Variants in CDCP1 observed in about 807,000 individuals in gnomAD.
CDCP1 encodes CUB domain containing protein 1, also known as CUB domain-containing protein 1.
In CDCP1, 29 loss-of-function variants were observed where a neutral mutation model predicts 60.2. The ratio of observed to expected loss-of-function variants is 0.48; its 90% CI spans 0.36 to 0.66. The LOEUF is 0.66. Among genes scored for constraint, CDCP1 ranks in the 30% least tolerant of loss-of-function variants. The probability of loss-of-function intolerance (pLI) is 0.00; values close to 1 mark genes in which losing one functional copy is unlikely to be tolerated. For missense variants in CDCP1, 876 were observed against 1,074.3 expected, an observed-to-expected ratio of 0.82 and a Z score of 2.58; for synonymous variants, 387 against 431.1, an observed-to-expected ratio of 0.90 and a Z score of 1.27.
intron 6 of CDCP1, among the ~76,000 whole-genome samples, chr3:45,092,711 A>G (rs1162307865): frequency 6.6e-6 from 1 of 152,194 alleles, no homozygotes; most frequent in Non-Finnish European, 1.5e-5. Flanking sequence ...AAAGTCAACC[A>G]TGTAGAAGTC....
At chr3:45,126,900 C>G (rs753242209) in intron 1 of CDCP1, among the ~76,000 whole-genome samples, 46 of 152,274 alleles carry the variant, frequency 3.0e-4, no homozygotes, top group Non-Finnish European at 5.0e-4. Context: ...GTAATGTACC[C>G]AGGCATATAT....
Position 45,112,457 on chromosome 3 carries a change from T to C in CDCP1, c.293-12A>G. On this transcript the variant is annotated splice_polypyrimidine_tract_variant and intron_variant, in intron 2 of 8. Coordinates refer to ENST00000296129, the MANE Select transcript of CDCP1 (RefSeq NM_022842.5). ...GCCTGACATACAGTCTGAAAAACAG[T>C]CACAGAAGCAATTTTGATCACAGAT... 6.2e-7 allele frequency: 1 copy of C among 1,607,072 alleles called. No homozygotes were observed. The highest frequency in any genetic ancestry group is 8.5e-7 in the Non-Finnish European group (1 of 1,175,220).
At chr3:45,114,413 C>CTTTT (rs10688307) in intron 2 of CDCP1, among the ~76,000 whole-genome samples, 9 of 143,944 alleles carry the variant, frequency 6.3e-5, no homozygotes, top group Non-Finnish European at 7.6e-5. Context: ...CATTAACTCT[C>CTTTT]TTTTTTTTTT....
intron 4 of CDCP1, among the ~76,000 whole-genome samples, chr3:45,103,057 T>C (rs1467802157): frequency 6.6e-6 from 1 of 152,140 alleles, no homozygotes. Flanking sequence ...GTTATATCCA[T>C]TGTATCAATC....
intron 2 of CDCP1, among the ~76,000 whole-genome samples, chr3:45,117,487 AGTAGTAG>A (rs1698812025): frequency 1.3e-5 from 2 of 152,168 alleles, no homozygotes; most frequent in Non-Finnish European, 2.9e-5. Flanking sequence ...ACGTCACATG[AGTAGTAG>A]CCCTGGAGCT....
At chr3:45,105,576 T>C (rs1698549321) in intron 4 of CDCP1, among the ~76,000 whole-genome samples, 1 of 152,138 alleles carries the variant, frequency 6.6e-6, no homozygotes, top group Admixed American at 6.6e-5. Flanking sequence ...TTGTTTGGTA[T>C]TTTCAGGAAA....
chr3:45,131,393 T>A (rs1468850288), intron 1 of CDCP1, among the ~76,000 whole-genome samples: 5 of 152,176 alleles, frequency 3.3e-5, no homozygotes, highest in Non-Finnish European at 5.9e-5. Flanking sequence ...ATTACCACCA[T>A]CCGCCTCTGG....
intron 4 of CDCP1, among the ~76,000 whole-genome samples, chr3:45,096,492 G>A (rs772950195): frequency 6.6e-6 from 1 of 151,882 alleles, no homozygotes; most frequent in South Asian, 2.1e-4. Context: ...GGGTGTGGTG[G>A]TACATGCCTG....
intron 6 of CDCP1, 28 bp downstream of exon 6, chr3:45,093,249 G>T (rs182268305): frequency 6.3e-7 from 1 of 1,598,490 alleles, no homozygotes; most frequent in African/African-American, 1.3e-5. Context: ...AACTAAAGGG[G>T]CATGGAGATA....
At chr3:45,138,535 G>A (rs955145268) in intron 1 of CDCP1, among the ~76,000 whole-genome samples, 1 of 152,188 alleles carries the variant, frequency 6.6e-6, no homozygotes, top group African/African-American at 2.4e-5. Flanking sequence ...ACCTAAAGCT[G>A]GCTAATTGAT....
At chr3:45,126,818 C>T (rs1159727556) in intron 1 of CDCP1, among the ~76,000 whole-genome samples, 2 of 152,160 alleles carry the variant, frequency 1.3e-5, no homozygotes, top group African/African-American at 2.4e-5. Flanking sequence ...ATCCCCACAA[C>T]CACTCCATAA....
At chr3:45,105,237 C>A (rs1038903250) in intron 4 of CDCP1, among the ~76,000 whole-genome samples, 4 of 152,066 alleles carry the variant, frequency 2.6e-5, no homozygotes, top group Non-Finnish European at 4.4e-5. Context: ...TATAGATAGA[C>A]AATTTTTTTT....
rs184714270 is a variant in CDCP1 at position 45,135,073 on chromosome 3, G to T, written c.82+11133C>A. Among the ~76,000 whole-genome samples the T allele has an allele frequency of 1.1e-3, 163 of 152,232 alleles. 1 individual carries two copies. Among genetic ancestry groups the T allele is most frequent in the African/African-American group, 3.7e-3 (155 of 41,550 alleles). ...GACAGCCATTATAAAAGGTGTTTGG[G>T]CATCATAATGAAGTTACAAGAACAA... On this transcript the variant is annotated intron_variant, in intron 1 of 8. Coordinates refer to ENST00000296129, the MANE Select transcript of CDCP1 (RefSeq NM_022842.5).
intron 1 of CDCP1, among the ~76,000 whole-genome samples, chr3:45,135,979 C>T (rs1166163781): frequency 6.6e-6 from 1 of 152,090 alleles, no homozygotes; most frequent in Non-Finnish European, 1.5e-5. Flanking sequence ...ACCCCTAGGC[C>T]ATCAATTTGT....
At chr3:45,095,153 T>G (rs1057370242) in intron 5 of CDCP1, among the ~76,000 whole-genome samples, 194 bp downstream of exon 5, 1 of 152,102 alleles carries the variant, frequency 6.6e-6, no homozygotes, top group Non-Finnish European at 1.5e-5. Flanking sequence ...AGGCTGGTCT[T>G]GAACTCCTGA....
chr3:45,095,593 C>T (rs988329031), intron 4 of CDCP1, 25 bp from the exon 5 acceptor site: 4 of 1,605,640 alleles, frequency 2.5e-6, no homozygotes, highest in Non-Finnish European at 3.4e-6. Flanking sequence ...AGAAAACAGG[C>T]ATGAAGCATG....
chr3:45,116,077 C>G (rs985079421), intron 2 of CDCP1, among the ~76,000 whole-genome samples: 3 of 151,818 alleles, frequency 2.0e-5, no homozygotes, highest in African/African-American at 7.3e-5. Context: ...ATGTTATTGC[C>G]TGTTTTATTG....
At chr3:45,093,736 G>T (rs1292762619) in intron 5 of CDCP1, 79 bp from the exon 6 acceptor site, 2 of 1,503,610 alleles carry the variant, frequency 1.3e-6, no homozygotes, top group South Asian at 1.3e-5. Flanking sequence ...TCAGCCTGAG[G>T]TTGGGTGTCT....
In CDCP1 at chr3:45,097,214, C is replaced by T. The variant is rs542106781; in HGVS notation, c.1025-1646G>A. ...CCCAGCTACTCGGGAAGCTGAGGCACGAGAATCGGTTGAACCCAGGAGGTG... is the reference window on the plus strand; with the variant it reads ...CCCAGCTACTCGGGAAGCTGAGGCATGAGAATCGGTTGAACCCAGGAGGTG... On this transcript the variant is annotated intron_variant, in intron 4 of 8. Coordinates refer to ENST00000296129, the MANE Select transcript of CDCP1 (RefSeq NM_022842.5). 1.7e-3 allele frequency among the ~76,000 whole-genome samples: 260 copies of T among 151,020 alleles called. 3 individuals are homozygous for T. Among genetic ancestry groups the T allele is most frequent in the African/African-American group, 6.0e-3 (247 of 41,128 alleles).
Sources: gnomAD v4.1 joint callset for allele counts (sites outside exome capture counted in the v4.1 genomes callset) on GRCh38, gnomAD v4.1.1 for gene constraint, MANE v1.5 for transcripts, NCBI Gene and HGNC (gene_info 2026-07-23, HGNC 2026-07-21) for gene names.